The following ADGRL2 variants were observed in gnomAD, a reference collection of about 807,000 sequenced individuals.
The protein encoded by ADGRL2 is calcium-independent alpha-latrotoxin receptor 2.
ADGRL2 carries 44 observed loss-of-function variants against 157.4 expected under a neutral mutation model. The observed-to-expected ratio is 0.28, with a 90% CI of 0.22 to 0.36. The LOEUF is 0.36. Among genes scored for constraint, ADGRL2 ranks in the 10% least tolerant of loss-of-function variants. ADGRL2 has a pLI of 1.00. For synonymous variants in ADGRL2, 585 were observed against 624.7 expected, an observed-to-expected ratio of 0.94 and a Z score of 0.95; for missense variants, 1,510 against 1,768.9, an observed-to-expected ratio of 0.85 and a Z score of 2.63.
At chr1:81,856,291 A>C (rs2093200064) in intron 2 of ADGRL2, among the ~76,000 whole-genome samples, 1 of 152,046 alleles carries the variant, frequency 6.6e-6, no homozygotes, top group Non-Finnish European at 1.5e-5. Context: ...TACTTCACCC[A>C]GTCTTGTGCC....
intron 3 of ADGRL2, among the ~76,000 whole-genome samples, chr1:81,634,145 T>A (rs1230495567): frequency 6.6e-6 from 1 of 152,120 alleles, no homozygotes; most frequent in Non-Finnish European, 1.5e-5. Flanking sequence ...CAAGAGAATG[T>A]TTCAAAAGGA....
At chr1:81,692,541 C>A (rs2083363535) in intron 3 of ADGRL2, among the ~76,000 whole-genome samples, 1 of 152,018 alleles carries the variant, frequency 6.6e-6, no homozygotes, top group Non-Finnish European at 1.5e-5. Flanking sequence ...CCAGGAAGAG[C>A]AAGCAAGACA....
At chr1:81,967,550 C>T (rs1306078404) in intron 13 of ADGRL2, among the ~76,000 whole-genome samples, 1 of 152,074 alleles carries the variant, frequency 6.6e-6, no homozygotes, top group South Asian at 2.1e-4. Context: ...CGTGAGCCAC[C>T]GCGCCCGGCC....
At chr1:81,653,323 T>TG (rs1553135528) in intron 3 of ADGRL2, among the ~76,000 whole-genome samples, 20 of 105,036 alleles carry the variant, frequency 1.9e-4, no homozygotes, top group African/African-American at 6.4e-4. Flanking sequence ...CTTTAGGGTT[T>TG]TTTTTTTTTT....
At chr1:81,471,088 G>T (rs11163300) in intron 2 of ADGRL2, among the ~76,000 whole-genome samples, 15,148 of 152,028 alleles carry the variant, frequency 0.1, 1,430 homozygotes, top group East Asian at 0.53. Context: ...GTCTAAATAA[G>T]GTAAGATCTG....
chr1:81,722,797 CCA>C, intron 1 of ADGRL2: 1 of 732,886 alleles, frequency 1.4e-6, no homozygotes, highest in Admixed American at 1.9e-5. Context: ...AGAAGCCAGA[CCA>C]CAGTCAGAAG....
chr1:81,384,186 C>A (rs1322961522), intron 1 of ADGRL2, among the ~76,000 whole-genome samples: 1 of 152,110 alleles, frequency 6.6e-6, no homozygotes, highest in Non-Finnish European at 1.5e-5. Flanking sequence ...CCATTAGGAA[C>A]TTGTTAGAGA....
intron 2 of ADGRL2, among the ~76,000 whole-genome samples, chr1:81,849,643 T>G (rs1232199972): frequency 6.6e-6 from 1 of 151,912 alleles, no homozygotes; most frequent in African/African-American, 2.4e-5. Flanking sequence ...TAATCTAAGT[T>G]TGATTTTAAA....
At chr1:81,836,818 G>T in intron 1 of ADGRL2, 67 bp from the exon 2 acceptor site, 1 of 487,230 alleles carries the variant, frequency 2.1e-6, no homozygotes, top group Non-Finnish European at 3.6e-6. Flanking sequence ...GAGAGGAACG[G>T]AGAGAGAGAA....
At chr1:81,894,359 A>C (rs1013827547) in intron 2 of ADGRL2, among the ~76,000 whole-genome samples, 1 of 151,972 alleles carries the variant, frequency 6.6e-6, no homozygotes, top group African/African-American at 2.4e-5. Context: ...TTATTCTTCT[A>C]TTTTGCAATT....
intron 1 of ADGRL2, among the ~76,000 whole-genome samples, chr1:81,358,049 A>C (rs1663442053): frequency 1.3e-5 from 2 of 152,196 alleles, no homozygotes; most frequent in African/African-American, 2.4e-5. Flanking sequence ...TATACACATT[A>C]AACTAAAAGA....
chr1:81,323,562 G>T (rs1660685166), intron 1 of ADGRL2, among the ~76,000 whole-genome samples: 1 of 151,856 alleles, frequency 6.6e-6, no homozygotes, highest in Non-Finnish European at 1.5e-5. Context: ...CAAGAAATTG[G>T]TGTTTTATCA....
At chr1:81,967,444 G>T (rs1028405577) in intron 13 of ADGRL2, among the ~76,000 whole-genome samples, 1 of 151,972 alleles carries the variant, frequency 6.6e-6, no homozygotes, top group Non-Finnish European at 1.5e-5. Flanking sequence ...TGTATTTTTA[G>T]TAGAGACGGG....
chr1:81,749,790 G>T (rs2085428106), intron 1 of ADGRL2, among the ~76,000 whole-genome samples: 1 of 152,026 alleles, frequency 6.6e-6, no homozygotes, highest in Non-Finnish European at 1.5e-5. Context: ...ATTATATAAG[G>T]TAATATATAA....
At chr1:81,562,204 A>G (rs2148457206) in intron 2 of ADGRL2, among the ~76,000 whole-genome samples, 2 of 152,266 alleles carry the variant, frequency 1.3e-5, no homozygotes, top group South Asian at 4.1e-4. Context: ...TTGTGCAAAA[A>G]GAGGCCCTCA....
At position 81,993,841 on chromosome 1, in the gene ADGRL2, T is replaced by G. The variant is rs150206398; in HGVS notation, c.*2696T>G. Among the ~76,000 whole-genome samples, 1 of 152,098 alleles carries G rather than the reference T, an allele frequency of 6.6e-6. No homozygotes were observed. The highest frequency in any genetic ancestry group is 1.5e-5 in the Non-Finnish European group (1 of 68,008). ...TGTGATAGTCACAACTGTGAACTTA[T>G]AAAGTCACATTTTTAAAGTTCTTCC... On this transcript the variant is annotated 3_prime_UTR_variant, in exon 24 of 24. Coordinates refer to ENST00000686636, the MANE Select transcript of ADGRL2 (RefSeq NM_001366006.2).
intron 2 of ADGRL2, among the ~76,000 whole-genome samples, chr1:81,889,103 A>C (rs2094200262): frequency 6.6e-6 from 1 of 152,158 alleles, no homozygotes; most frequent in Non-Finnish European, 1.5e-5. Context: ...AAAAATTTTG[A>C]AATTAACCAA....
intron 2 of ADGRL2, chr1:81,503,596 G>C (rs1264030042): frequency 1.8e-5 from 19 of 1,074,918 alleles, no homozygotes; most frequent in Non-Finnish European, 2.5e-5. Context: ...TGAGAGTTTG[G>C]ACGTGTCCGT....
intron 3 of ADGRL2, among the ~76,000 whole-genome samples, chr1:81,670,248 G>A (rs754559971): frequency 2.0e-5 from 3 of 152,174 alleles, no homozygotes; most frequent in Non-Finnish European, 4.4e-5. Context: ...TCCAGAGCTT[G>A]GAGAGACTCT....
Sources: allele counts gnomAD v4.1 joint callset (sites outside exome capture counted in the v4.1 genomes callset), GRCh38; gene constraint gnomAD v4.1.1; transcripts MANE v1.5; gene names NCBI Gene and HGNC (gene_info 2026-07-23, HGNC 2026-07-21).